KAZN: variants seen among roughly 807,000 people sequenced by gnomAD.
KAZN encodes kazrin.
Under a neutral mutation model 87.4 loss-of-function variants are expected in KAZN, and 40 were observed. The observed-to-expected ratio is 0.46, with a 90% confidence interval of 0.36 to 0.60. KAZN has a LOEUF of 0.60. KAZN is among the 20% of genes least tolerant of loss of function. The pLI is 0.00. For missense variants in KAZN, 898 were observed against 1,073.9 expected (o/e 0.84, Z 2.29); for synonymous variants, 466 against 458.3 (o/e 1.02, Z -0.22).
intron 1 of KAZN, among the ~76,000 whole-genome samples, chr1:14,662,716 T>C (rs1639262057): frequency 6.6e-6 from 1 of 151,514 alleles, no homozygotes; most frequent in African/African-American, 2.4e-5. Context: ...TGCATGTGTA[T>C]ATGTATGAGT....
At chr1:15,060,615 C>T (rs1298706676) in intron 6 of KAZN, 1 of 363,526 alleles carries the variant, frequency 2.8e-6, no homozygotes, top group Non-Finnish European at 5.2e-6. Flanking sequence ...GCTTCTCCTC[C>T]CACACATTAC....
rs558854267 is a variant in KAZN at position 14,112,378 on chromosome 1, C to T, written c.92-68057C>T. Among the ~76,000 whole-genome samples the T allele has an allele frequency of 2.1e-3, 169 of 79,318 alleles. 39 individuals carry two copies. Among genetic ancestry groups the T allele is most frequent in the African/African-American group, 8.9e-3 (163 of 18,288 alleles). The allele number at this position is 79,318 out of a possible 152,430, so 52.0% of individuals were successfully genotyped here. ...TATGGTAGTGAGGACAAACCCACCACCGTTACTTGGGTGAGGAGCTGCCTG... is the reference window on the plus strand; with the variant it reads ...TATGGTAGTGAGGACAAACCCACCATCGTTACTTGGGTGAGGAGCTGCCTG... On this transcript the variant is annotated intron_variant, in intron 1 of 16. Coordinates refer to the KAZN transcript ENST00000636203.
chr1:14,972,515 AC>A (rs1184471335), intron 2 of KAZN, among the ~76,000 whole-genome samples: 2 of 146,768 alleles, frequency 1.4e-5, no homozygotes, highest in Non-Finnish European at 3.0e-5. Flanking sequence ...CAGACTGGGA[AC>A]TTTTTTTTTT....
intron 1 of KAZN, among the ~76,000 whole-genome samples, chr1:14,094,736 A>G (rs1644088928): frequency 6.6e-6 from 1 of 152,176 alleles, no homozygotes; most frequent in South Asian, 2.1e-4. Context: ...TGAATATCAC[A>G]TGGGAGAGAG....
intron 2 of KAZN, among the ~76,000 whole-genome samples, chr1:14,464,058 G>A (rs919015141): frequency 6.6e-6 from 1 of 152,234 alleles, no homozygotes; most frequent in Non-Finnish European, 1.5e-5. Context: ...GTAGTGTGGG[G>A]CAGTGACAAA....
chr1:13,988,015 A>G (rs1349119607), intron 1 of KAZN, among the ~76,000 whole-genome samples: 2 of 152,160 alleles, frequency 1.3e-5, no homozygotes, highest in East Asian at 1.9e-4. Context: ...AATTTCAAGC[A>G]CTTTTATAAT....
At chr1:15,034,674 T>C in intron 2 of KAZN, 75 bp from the exon 3 acceptor site, 1 of 1,561,280 alleles carries the variant, frequency 6.4e-7, no homozygotes, top group African/African-American at 1.4e-5. Flanking sequence ...ACGGCGGTGA[T>C]GCCACTTCTC....
At chr1:14,355,511 T>G (rs1202692833) in intron 2 of KAZN, among the ~76,000 whole-genome samples, 1 of 152,140 alleles carries the variant, frequency 6.6e-6, no homozygotes, top group Non-Finnish European at 1.5e-5. Context: ...TGTCCCATGG[T>G]GGTTTGCTGC....
At chr1:14,896,754 A>C (rs1177273339) in intron 1 of KAZN, among the ~76,000 whole-genome samples, 3 of 152,110 alleles carry the variant, frequency 2.0e-5, no homozygotes, top group African/African-American at 7.2e-5. Flanking sequence ...CTACCCCATG[A>C]CAGTTTCTTG....
At chr1:14,834,049 G>T (rs190323474) in intron 1 of KAZN, among the ~76,000 whole-genome samples, 1,985 of 150,714 alleles carry the variant, frequency 0.013, 61 homozygotes, top group Admixed American at 0.076. Flanking sequence ...TGTTGTTGTT[G>T]TTTTGAGATG....
intron 1 of KAZN, among the ~76,000 whole-genome samples, chr1:14,826,683 A>AT (rs894679923): frequency 3.6e-4 from 54 of 151,650 alleles, no homozygotes; most frequent in Admixed American, 7.9e-4. Flanking sequence ...TAGCGGCTGG[A>AT]TTTTTTTTCA....
At chr1:14,799,206 C>G (rs1384165014) in intron 1 of KAZN, among the ~76,000 whole-genome samples, 3 of 152,218 alleles carry the variant, frequency 2.0e-5, no homozygotes, top group Admixed American at 1.3e-4. Context: ...TTAAGGCCCC[C>G]TCTTAATACT....
At chr1:13,978,793 T>C (rs998638218) in intron 1 of KAZN, among the ~76,000 whole-genome samples, 4 of 151,958 alleles carry the variant, frequency 2.6e-5, no homozygotes, top group African/African-American at 7.3e-5. Context: ...GAAGAGAGTA[T>C]GTAATTAATG....
chr1:15,041,341 T>TTTGTTTTTG (rs199931643), intron 3 of KAZN, among the ~76,000 whole-genome samples: 6,073 of 146,652 alleles, frequency 0.041, 198 homozygotes, highest in Middle Eastern at 0.094. Flanking sequence ...CTTTTTTTTT[T>TTTGTTTTTG]TTTTTGTTTT....
At chr1:14,410,777 G>A (rs1175846657) in intron 2 of KAZN, among the ~76,000 whole-genome samples, 1 of 152,186 alleles carries the variant, frequency 6.6e-6, no homozygotes, top group Non-Finnish European at 1.5e-5. Context: ...TTGGAGATGA[G>A]AGTGGTGTGG....
rs549859076 is a variant in KAZN, at chr1:14,506,737, A to G, written c.250-92246A>G. On this transcript the variant is annotated intron_variant, in intron 2 of 16. Transcript: ENST00000636203. ...CTTACTGTCAAACACGGTGCCAGGG[A>G]CAGTGCTTTAGAATGCATGAACAAA... 5.9e-5 allele frequency among the ~76,000 whole-genome samples: 9 copies of G among 152,332 alleles called. No homozygotes were observed. The South Asian group carries it at 1.7e-3, about 28-fold the overall frequency.
rs192827935 is a variant in KAZN, at chr1:14,021,795, T to C, written c.91+128039T>C. Reference sequence around the variant, plus strand: ...ATCACTTCTCAAGTATTGTAGGAGATAGACTCTTTATGTTCCCTGGGGAAG... The same window carrying C: ...ATCACTTCTCAAGTATTGTAGGAGACAGACTCTTTATGTTCCCTGGGGAAG... On this transcript the variant is annotated intron_variant, in intron 1 of 16. Coordinates refer to the KAZN transcript ENST00000636203. 8.5e-5 allele frequency among the ~76,000 whole-genome samples: 13 copies of C among 152,338 alleles called. No homozygotes were observed. In the East Asian group the frequency reaches 2.1e-3, roughly 25 times the overall value.
At chr1:14,957,142 A>G (rs1663212629) in intron 1 of KAZN, among the ~76,000 whole-genome samples, 1 of 152,168 alleles carries the variant, frequency 6.6e-6, no homozygotes, top group South Asian at 2.1e-4. Flanking sequence ...CCTGGAATGT[A>G]GGTGGGCCCC....
rs1466934858 is a variant in KAZN at position 14,605,748 on chromosome 1, A to G, written c.226+6525A>G. On this transcript the variant is annotated intron_variant, in intron 1 of 14. Transcript: ENST00000376030. Reference sequence around the variant, plus strand: ...GTGCCAGAGGTGGAAGAAAATTCACATATAAGTGGACCTGCACAATTCAAA... The same window carrying G: ...GTGCCAGAGGTGGAAGAAAATTCACGTATAAGTGGACCTGCACAATTCAAA... 3.3e-5 allele frequency among the ~76,000 whole-genome samples: 5 copies of G among 152,232 alleles called. No individual in the cohort carries two copies. The East Asian group carries it at 9.6e-4, about 29-fold the overall frequency.
Sources: gnomAD v4.1 joint callset for allele counts (sites outside exome capture counted in the v4.1 genomes callset) on GRCh38, gnomAD v4.1.1 for gene constraint, MANE v1.5 for transcripts, NCBI Gene and HGNC (gene_info 2026-07-23, HGNC 2026-07-21) for gene names.